The following HEG1 variants were observed in gnomAD, a reference collection of about 807,000 sequenced individuals.
The protein encoded by HEG1 is protein HEG homolog 1.
A neutral mutation model predicts 125.6 loss-of-function variants in HEG1; 56 were observed. That is an observed-to-expected ratio of 0.45 (90% CI 0.36 to 0.56). The LOEUF is 0.56. Among genes scored for constraint, HEG1 ranks in the 20% least tolerant of loss-of-function variants. The probability of loss-of-function intolerance (pLI) is 0.00; values close to 1 mark genes in which losing one functional copy is unlikely to be tolerated. For missense variants in HEG1, 1,523 were observed against 1,670.0 expected, an observed-to-expected ratio of 0.91 and a Z score of 1.53; for synonymous variants, 644 against 668.5, an observed-to-expected ratio of 0.96 and a Z score of 0.57.
At chr3:124,987,672 C>G (rs1489390317) in intron 14 of HEG1, among the ~76,000 whole-genome samples, 1 of 151,716 alleles carries the variant, frequency 6.6e-6, no homozygotes, top group African/African-American at 2.4e-5. Flanking sequence ...AGGCGCTCGC[C>G]ACCATGCCCA....
chr3:124,976,614 C>T (rs779328996), intron 15 of HEG1, among the ~76,000 whole-genome samples: 15 of 151,994 alleles, frequency 9.9e-5, no homozygotes, highest in Admixed American at 2.0e-4. Context: ...GTGCCACGAT[C>T]GGGATATAGT....
intron 5 of HEG1, chr3:125,014,877 C>T (rs1014289911): frequency 8.5e-6 from 11 of 1,289,750 alleles, no homozygotes; most frequent in Admixed American, 6.9e-5. Flanking sequence ...GGTGACAGAC[C>T]GCAGTGTGCG....
intron 1 of HEG1, among the ~76,000 whole-genome samples, chr3:125,045,218 G>A (rs1485485876): frequency 6.6e-6 from 1 of 152,220 alleles, no homozygotes; most frequent in Non-Finnish European, 1.5e-5. Context: ...GAACTGGACT[G>A]TAGTTGGAAG....
chr3:125,055,438 T>A, intron 1 of HEG1, 137 bp downstream of exon 1: 1 of 497,616 alleles, frequency 2.0e-6, no homozygotes, highest in Non-Finnish European at 2.9e-6. Context: ...ACCCTCAGGG[T>A]CCCGCACACG....
At chr3:125,055,382 ACCC>A (rs1937909454) in intron 1 of HEG1, among the ~76,000 whole-genome samples, 190 bp downstream of exon 1, 1 of 151,938 alleles carries the variant, frequency 6.6e-6, no homozygotes, top group Non-Finnish European at 1.5e-5. Context: ...GGATAGTCAC[ACCC>A]CTCAGTCCAG....
chr3:125,040,955 G>A (rs944505785), intron 1 of HEG1, among the ~76,000 whole-genome samples: 3 of 152,190 alleles, frequency 2.0e-5, no homozygotes, highest in Non-Finnish European at 2.9e-5. Flanking sequence ...GACCCTCTGA[G>A]TGGCAGGCAG....
intron 1 of HEG1, among the ~76,000 whole-genome samples, chr3:125,030,393 A>AT (rs1937481583): frequency 6.6e-6 from 1 of 152,272 alleles, no homozygotes; most frequent in Non-Finnish European, 1.5e-5. Flanking sequence ...TTAGCTGCAT[A>AT]GATGTTCATT....
rs571356804 is a variant in HEG1, at chr3:125,016,425, T to C, written c.1589-2435A>G. 4.6e-5 allele frequency among the ~76,000 whole-genome samples: 7 copies of C among 152,280 alleles called. No individual in the cohort carries two copies. In the South Asian group the frequency reaches 1.5e-3, roughly 32 times the overall value. On this transcript the variant is annotated intron_variant, in intron 5 of 16. Coordinates refer to ENST00000311127, the MANE Select transcript of HEG1 (RefSeq NM_020733.2). ...TCACACTGAAATCATATGTTCCTCA[T>C]GAACCAACTGAGCATTAATTGCAGA... is the stretch of plus-strand genomic sequence containing the variant.
chr3:125,017,862 TATA>T (rs1354623053), intron 5 of HEG1, among the ~76,000 whole-genome samples: 1 of 141,100 alleles, frequency 7.1e-6, no homozygotes. Context: ...CTACTGAAAA[TATA>T]AAAAAAAAAA....
At chr3:125,047,564 G>A (rs762277838) in intron 1 of HEG1, among the ~76,000 whole-genome samples, 21 of 151,444 alleles carry the variant, frequency 1.4e-4, no homozygotes, top group Non-Finnish European at 2.2e-4. Flanking sequence ...CAGGGCTCTC[G>A]TCTACACCCT....
chr3:125,023,975 T>TAC (rs1937377606), intron 3 of HEG1, among the ~76,000 whole-genome samples: 1 of 140,152 alleles, frequency 7.1e-6, no homozygotes, highest in Non-Finnish European at 1.6e-5. Context: ...GAAGCAGCTA[T>TAC]TTGAGAAAGA....
intron 3 of HEG1, among the ~76,000 whole-genome samples, chr3:125,022,916 G>A (rs1057499254): frequency 1.3e-5 from 2 of 152,126 alleles, no homozygotes; most frequent in African/African-American, 4.8e-5. Flanking sequence ...GTGGTCGGCC[G>A]GGTGCAGTGG....
chr3:125,000,333 G>A (rs1936982700), intron 11 of HEG1, among the ~76,000 whole-genome samples: 1 of 152,180 alleles, frequency 6.6e-6, no homozygotes, highest in Non-Finnish European at 1.5e-5. Flanking sequence ...GATTTGCAAG[G>A]CACTTGATTT....
At chr3:124,997,914 C>T in intron 11 of HEG1, 91 bp from the exon 12 acceptor site, 1 of 1,347,438 alleles carries the variant, frequency 7.4e-7, no homozygotes, top group Non-Finnish European at 9.8e-7. Context: ...CATGTGTCTG[C>T]ATGAACTCTC....
intron 3 of HEG1, among the ~76,000 whole-genome samples, chr3:125,022,656 A>T (rs1275540208): frequency 6.6e-6 from 1 of 151,392 alleles, no homozygotes; most frequent in Non-Finnish European, 1.5e-5. Flanking sequence ...ACCAAACTAA[A>T]CAAAACAAAC....
At chr3:125,040,979 G>A (rs1937589544) in intron 1 of HEG1, among the ~76,000 whole-genome samples, 1 of 152,150 alleles carries the variant, frequency 6.6e-6, no homozygotes, top group Admixed American at 6.5e-5. Context: ...GGTAATTCTT[G>A]CCCTATTTTA....
intron 1 of HEG1, among the ~76,000 whole-genome samples, chr3:125,032,635 T>G (rs1243175049): frequency 6.6e-6 from 1 of 152,258 alleles, no homozygotes; most frequent in Non-Finnish European, 1.5e-5. Flanking sequence ...CAAGCTGGTC[T>G]CCTGGGAGGA....
intron 7 of HEG1, among the ~76,000 whole-genome samples, chr3:125,010,222 T>C (rs1368484209): frequency 1.3e-5 from 2 of 151,940 alleles, no homozygotes; most frequent in Non-Finnish European, 2.9e-5. Flanking sequence ...GTGGCAGGAG[T>C]GTTGGGAACA....
intron 3 of HEG1, among the ~76,000 whole-genome samples, chr3:125,023,456 A>C (rs959811417): frequency 2.6e-5 from 4 of 152,212 alleles, no homozygotes; most frequent in Non-Finnish European, 5.9e-5. Context: ...TCATTATCAA[A>C]AACTACCATT....
Sources: allele counts gnomAD v4.1 joint callset (sites outside exome capture counted in the v4.1 genomes callset), GRCh38; gene constraint gnomAD v4.1.1; transcripts MANE v1.5; gene names NCBI Gene and HGNC (gene_info 2026-07-23, HGNC 2026-07-21).